Variants in DGKI observed in about 807,000 individuals in gnomAD.
DGKI encodes the protein diacylglycerol kinase iota.
DGKI carries 55 observed loss-of-function variants against 147.5 expected under a neutral mutation model. The observed-to-expected ratio is 0.37, with a 90% CI of 0.30 to 0.47. DGKI has a LOEUF of 0.47. DGKI is among the 20% of genes least tolerant of loss of function. The pLI, the probability that DGKI is intolerant of heterozygous loss-of-function variation, is 1.00. For missense variants in DGKI, 1,007 were observed against 1,323.8 expected, an observed-to-expected ratio of 0.76 and a Z score of 3.71; for synonymous variants, 469 against 477.1, an observed-to-expected ratio of 0.98 and a Z score of 0.22.
chr7:137,700,158 A>T (rs1823927176), intron 1 of DGKI, among the ~76,000 whole-genome samples: 1 of 152,228 alleles, frequency 6.6e-6, no homozygotes, highest in Non-Finnish European at 1.5e-5. Flanking sequence ...ACACACTGCC[A>T]GGGTGTATCA....
At chr7:137,416,395 C>T (rs186514159) in intron 28 of DGKI, among the ~76,000 whole-genome samples, 35 of 152,106 alleles carry the variant, frequency 2.3e-4, no homozygotes, top group African/African-American at 8.5e-4. Flanking sequence ...GAAAAATCCT[C>T]GCAAGATGAA....
chr7:137,641,814 G>A (rs1821638266), intron 6 of DGKI, among the ~76,000 whole-genome samples: 1 of 152,152 alleles, frequency 6.6e-6, no homozygotes, highest in South Asian at 2.1e-4. Flanking sequence ...TTTTACATAT[G>A]AAGAAATAAA....
At chr7:137,537,940 A>C (rs1292418809) in intron 20 of DGKI, among the ~76,000 whole-genome samples, 15 of 152,232 alleles carry the variant, frequency 9.9e-5, no homozygotes, top group Admixed American at 9.8e-4. Context: ...GAGGGTTCTG[A>C]ATAACACAAA....
intron 1 of DGKI, among the ~76,000 whole-genome samples, chr7:137,739,187 G>A (rs1028336226): frequency 6.6e-6 from 1 of 152,102 alleles, no homozygotes; most frequent in African/African-American, 2.4e-5. Flanking sequence ...TGAAAGAAGG[G>A]CATCTCTTCC....
At chr7:137,766,140 G>C (rs1796007802) in intron 1 of DGKI, among the ~76,000 whole-genome samples, 1 of 152,188 alleles carries the variant, frequency 6.6e-6, no homozygotes, top group Non-Finnish European at 1.5e-5. Flanking sequence ...ATCCTAAGAG[G>C]AAAGGAAGAA....
intron 1 of DGKI, among the ~76,000 whole-genome samples, chr7:137,738,717 A>T (rs1470074214): frequency 3.5e-5 from 3 of 86,234 alleles, no homozygotes; most frequent in African/African-American, 1.6e-4. Flanking sequence ...CACAGAGAAG[A>T]TGAGGTTCCC....
Position 137,545,114 on chromosome 7 carries a change from T to C in DGKI, c.2147+7255A>G, listed in dbSNP as rs112980493. Among the ~76,000 whole-genome samples, 856 of 152,342 alleles carry C rather than the reference T, an allele frequency of 5.6e-3. 14 individuals carry two copies. The highest frequency in any genetic ancestry group is 0.02 in the African/African-American group (820 of 41,566). On this transcript the variant is annotated intron_variant, in intron 20 of 32. Coordinates refer to ENST00000614521, the MANE Select transcript of DGKI (RefSeq NM_001321708.2). ...AACTGTGTGACCTTGGGCAAGTTAC[T>C]TAACCTCTCTGTCTATCAGATTCCT...
chr7:137,574,660 C>T (rs780554653), intron 17 of DGKI, among the ~76,000 whole-genome samples: 1 of 152,094 alleles, frequency 6.6e-6, no homozygotes, highest in Admixed American at 6.5e-5. Context: ...ATAAACTGTG[C>T]AATTCCTTTA....
intron 23 of DGKI, among the ~76,000 whole-genome samples, chr7:137,473,304 C>T (rs554155894): frequency 1.1e-4 from 16 of 152,186 alleles, no homozygotes; most frequent in African/African-American, 3.6e-4. Flanking sequence ...GATAACATTA[C>T]AATTTTGTTT....
At chr7:137,436,691 C>T (rs1029824370) in intron 28 of DGKI, among the ~76,000 whole-genome samples, 13 of 152,056 alleles carry the variant, frequency 8.5e-5, no homozygotes, top group African/African-American at 2.7e-4. Context: ...ATACATACTA[C>T]ATAATAGAAA....
intron 8 of DGKI, among the ~76,000 whole-genome samples, chr7:137,612,431 A>C (rs1820396438): frequency 2.0e-5 from 3 of 152,078 alleles, no homozygotes; most frequent in African/African-American, 7.2e-5. Flanking sequence ...ACAAAAGATA[A>C]ATAGTAGGAA....
chr7:137,390,984 G>A lies in DGKI; in HGVS notation c.*236C>T. The A allele has an allele frequency of 2.0e-6, 1 of 506,664 alleles. No homozygotes were observed. Among genetic ancestry groups the A allele is most frequent in the Non-Finnish European group, 3.5e-6 (1 of 285,134 alleles). 31.4% of individuals were successfully genotyped at this position (506,664 alleles called of 1,614,324 possible). On this transcript the variant is annotated 3_prime_UTR_variant, in exon 33 of 33. Transcript: ENST00000614521. ...GGAAGCAATAAGGATCAAATTTTGT[G>A]GAACTCGTACTGTATTCCACAAATC... is the stretch of plus-strand genomic sequence containing the variant.
At chr7:137,799,099 CA>C (rs1344212924) in intron 1 of DGKI, among the ~76,000 whole-genome samples, 2 of 151,900 alleles carry the variant, frequency 1.3e-5, no homozygotes, top group African/African-American at 4.8e-5. Flanking sequence ...TTAGATAAGG[CA>C]AAAAAGATGT....
chr7:137,661,939 T>C (rs1822450223), intron 3 of DGKI, among the ~76,000 whole-genome samples: 1 of 152,200 alleles, frequency 6.6e-6, no homozygotes, highest in Non-Finnish European at 1.5e-5. Flanking sequence ...CACAACAAGA[T>C]TGTTGCTGTA....
At chr7:137,715,205 T>C (rs747675411) in intron 1 of DGKI, among the ~76,000 whole-genome samples, 8 of 152,198 alleles carry the variant, frequency 5.3e-5, no homozygotes, top group Non-Finnish European at 8.8e-5. Flanking sequence ...TAGGCTTCAA[T>C]ATTTGGAAAA....
intron 23 of DGKI, among the ~76,000 whole-genome samples, chr7:137,471,963 T>TATATACATGTGTA (rs1814916320): frequency 7.2e-6 from 1 of 138,840 alleles, no homozygotes; most frequent in Non-Finnish European, 1.5e-5. Context: ...ATATTATATA[T>TATATACATGTGTA]TATATACATG....
chr7:137,803,065 A>G (rs1194870212), intron 1 of DGKI, among the ~76,000 whole-genome samples: 2 of 152,238 alleles, frequency 1.3e-5, no homozygotes, highest in Non-Finnish European at 2.9e-5. Context: ...TCCAGAGGAA[A>G]GGCCAGGGCA....
chr7:137,619,575 T>C (rs983141528), intron 8 of DGKI, among the ~76,000 whole-genome samples: 1 of 152,154 alleles, frequency 6.6e-6, no homozygotes, highest in Non-Finnish European at 1.5e-5. Flanking sequence ...CATTAGCACA[T>C]GAATGAGGAG....
At chr7:137,831,148 C>G (rs574248866) in intron 1 of DGKI, among the ~76,000 whole-genome samples, 15 of 152,304 alleles carry the variant, frequency 9.8e-5, no homozygotes, top group Admixed American at 2.0e-4. Context: ...TCCAAGAGCT[C>G]TCTGGCACTG....
Sources: gnomAD v4.1 joint callset for allele counts (sites outside exome capture counted in the v4.1 genomes callset) on GRCh38, gnomAD v4.1.1 for gene constraint, MANE v1.5 for transcripts, NCBI Gene and HGNC (gene_info 2026-07-23, HGNC 2026-07-21) for gene names.